DPY19L2: variants seen among roughly 807,000 people sequenced by gnomAD.
DPY19L2 encodes probable C-mannosyltransferase DPY19L2.
A neutral mutation model predicts 97.9 loss-of-function variants in DPY19L2; 34 were observed. The ratio of observed to expected loss-of-function variants is 0.35; its 90% CI spans 0.26 to 0.46. The LOEUF (loss-of-function observed/expected upper bound fraction) is 0.46. Ranked by LOEUF, DPY19L2 falls within the 20% of genes least tolerant of loss-of-function variation. The probability of loss-of-function intolerance (pLI) is 1.00; values close to 1 mark genes in which losing one functional copy is unlikely to be tolerated. For synonymous variants in DPY19L2, 230 were observed against 307.9 expected (o/e 0.75, Z 2.65); for missense variants, 623 against 911.4 (o/e 0.68, Z 4.07).
At position 63,636,691 on chromosome 12, in the gene DPY19L2, C is replaced by T. The variant is rs141042368; in HGVS notation, c.803+7712G>A. Among the ~76,000 whole-genome samples, 385 of 152,110 alleles carry T rather than the reference C, an allele frequency of 2.5e-3. 17 individuals carry two copies. The East Asian group carries it at 0.068, about 27-fold the overall frequency. On this transcript the variant is annotated intron_variant, in intron 6 of 21. Transcript: ENST00000324472. ...CAAAGATAAAAAGAGACAAAGAAGG[C>T]CATTACATAATGGTAAAGGGATCAA... is the stretch of plus-strand genomic sequence containing the variant.
At chr12:63,634,140 C>G (rs1217920638) in intron 6 of DPY19L2, among the ~76,000 whole-genome samples, 2 of 152,060 alleles carry the variant, frequency 1.3e-5, no homozygotes. Flanking sequence ...GTGCAGCACA[C>G]CAACATGGCA....
intron 11 of DPY19L2, among the ~76,000 whole-genome samples, chr12:63,615,030 T>C (rs1303118542): frequency 2.0e-5 from 3 of 152,116 alleles, no homozygotes; most frequent in Non-Finnish European, 4.4e-5. Flanking sequence ...GACACAAGTA[T>C]GCTATCAGAC....
intron 15 of DPY19L2, among the ~76,000 whole-genome samples, chr12:63,595,561 CATT>C (rs1386771754): frequency 6.6e-6 from 1 of 152,146 alleles, no homozygotes; most frequent in Non-Finnish European, 1.5e-5. Flanking sequence ...AAGATACTAA[CATT>C]GTTGTCACTG....
intron 4 of DPY19L2, among the ~76,000 whole-genome samples, chr12:63,655,658 A>G (rs1894865360): frequency 6.6e-6 from 1 of 151,620 alleles, no homozygotes; most frequent in South Asian, 2.1e-4. Context: ...TTTTTGTACC[A>G]GTAATGTGAA....
intron 6 of DPY19L2, among the ~76,000 whole-genome samples, chr12:63,628,028 G>T (rs1019290300): frequency 3.3e-5 from 5 of 152,206 alleles, no homozygotes; most frequent in African/African-American, 1.2e-4. Flanking sequence ...AGGACCAATT[G>T]TCAATGGAGG....
At chr12:63,653,163 C>G (rs1161071224) in intron 4 of DPY19L2, among the ~76,000 whole-genome samples, 2 of 152,078 alleles carry the variant, frequency 1.3e-5, no homozygotes, top group Non-Finnish European at 2.9e-5. Flanking sequence ...ACAAACAAAA[C>G]AGCCCTAGGG....
At chr12:63,633,087 C>T (rs1333938871) in intron 6 of DPY19L2, among the ~76,000 whole-genome samples, 5 of 152,172 alleles carry the variant, frequency 3.3e-5, no homozygotes, top group East Asian at 1.9e-4. Context: ...AAGACTTAAA[C>T]GTTAGACCTA....
rs199548963 is a variant in DPY19L2 at position 63,668,155 on chromosome 12, C to T, written c.239G>A (p.Gly80Asp). The change falls in exon 1 of 22, where the codon GGC becomes GAC. Residue 80 changes from glycine to aspartate, a missense_variant. Coordinates refer to ENST00000324472, the MANE Select transcript of DPY19L2 (RefSeq NM_173812.5). ...GGAATTACGGACGAACTGGAAGGGG[C>T]CGAGAAGAAAGGTCTTGGCCACCAC... ...LEVVAKTFLL[G>D]PFQFVRNSLA... 2.3e-5 allele frequency: 37 copies of T among 1,614,024 alleles called. No homozygotes were observed. The East Asian group carries it at 3.3e-4, about 15-fold the overall frequency.
chr12:63,590,370 G>T (rs1463378565), intron 16 of DPY19L2, among the ~76,000 whole-genome samples: 1 of 151,984 alleles, frequency 6.6e-6, no homozygotes, highest in Non-Finnish European at 1.5e-5. Context: ...AAATATGCAG[G>T]CCTCATAATC....
At chr12:63,577,888 T>C (rs75257845) in intron 19 of DPY19L2, among the ~76,000 whole-genome samples, 7,411 of 152,164 alleles carry the variant, frequency 0.049, 532 homozygotes, top group African/African-American at 0.17. Context: ...GTTTGGAGGT[T>C]CCTCAAAAAA....
chr12:63,601,772 A>G lies in DPY19L2; in HGVS notation c.1279-1386T>C, dbSNP rs554009910. ...GATGTTAGAAAGGCATTATTTCTGG[A>G]AAGGAAGGAGGATAAAAAGGGGAGT... On this transcript the variant is annotated intron_variant, in intron 12 of 21. Transcript: ENST00000324472. Among the ~76,000 whole-genome samples the G allele has an allele frequency of 2.6e-5, 4 of 152,268 alleles. No individual in the cohort carries two copies. In the South Asian group the frequency reaches 8.3e-4, roughly 32 times the overall value.
chr12:63,626,729 G>A (rs1253779992), intron 6 of DPY19L2, among the ~76,000 whole-genome samples: 1 of 152,004 alleles, frequency 6.6e-6, no homozygotes, highest in African/African-American at 2.4e-5. Context: ...AATCTCAATT[G>A]TATAATTTGT....
At chr12:63,612,093 G>GA (rs1184549560) in intron 11 of DPY19L2, among the ~76,000 whole-genome samples, 2 of 151,792 alleles carry the variant, frequency 1.3e-5, no homozygotes, top group Non-Finnish European at 2.9e-5. Flanking sequence ...GATTTCATAA[G>GA]AAAAAAATGC....
At chr12:63,642,500 T>C (rs150947033) in intron 6 of DPY19L2, among the ~76,000 whole-genome samples, 1 of 152,264 alleles carries the variant, frequency 6.6e-6, no homozygotes, top group East Asian at 1.9e-4. Flanking sequence ...ACTTATATAG[T>C]TCCAGTATCT....
At chr12:63,651,789 A>G in intron 4 of DPY19L2, 1 of 346,572 alleles carries the variant, frequency 2.9e-6, no homozygotes, top group Non-Finnish European at 5.8e-6. Context: ...AAAGAACCAG[A>G]AGGACCCCGG....
chr12:63,566,144 T>C (rs1184795420), intron 21 of DPY19L2, among the ~76,000 whole-genome samples: 2 of 152,114 alleles, frequency 1.3e-5, no homozygotes, highest in Admixed American at 1.3e-4. Context: ...AATCTCCACC[T>C]TTTGTTTGGA....
chr12:63,580,603 A>G, intron 19 of DPY19L2, 59 bp downstream of exon 19: 11 of 1,457,852 alleles, frequency 7.5e-6, no homozygotes, highest in Non-Finnish European at 9.3e-6. Flanking sequence ...TATATATAGT[A>G]TACACAAATG....
chr12:63,619,005 C>G (rs975453968), intron 9 of DPY19L2, among the ~76,000 whole-genome samples: 1 of 152,120 alleles, frequency 6.6e-6, no homozygotes, highest in Non-Finnish European at 1.5e-5. Context: ...CTATAACCCT[C>G]TAAATATATA....
intron 15 of DPY19L2, 137 bp from the exon 16 acceptor site, chr12:63,594,270 G>A (rs2939876): frequency 1.3e-5 from 8 of 611,916 alleles, no homozygotes; most frequent in South Asian, 2.2e-5. Flanking sequence ...GGAACAGGAC[G>A]GTCATACTAT....
Sources: gnomAD v4.1 joint callset for allele counts (sites outside exome capture counted in the v4.1 genomes callset) on GRCh38, gnomAD v4.1.1 for gene constraint, MANE v1.5 for transcripts, NCBI Gene and HGNC (gene_info 2026-07-23, HGNC 2026-07-21) for gene names.